DYNC2H1: variants seen among roughly 807,000 people sequenced by gnomAD.
DYNC2H1 encodes the protein dynein cytoplasmic 2 heavy chain 1.
In DYNC2H1, 410 loss-of-function variants were observed where a neutral mutation model predicts 570.0. The ratio of observed to expected loss-of-function variants is 0.72; its 90% CI spans 0.66 to 0.78. The LOEUF is 0.78. Among genes scored for constraint, DYNC2H1 ranks in the 30% least tolerant of loss-of-function variants. The probability of loss-of-function intolerance (pLI) is 0.00; values close to 1 mark genes in which losing one functional copy is unlikely to be tolerated. For missense variants in DYNC2H1, 4,865 were observed against 5,046.4 expected (o/e 0.96, Z 1.09); for synonymous variants, 1,688 against 1,677.6 (o/e 1.01, Z -0.15).
At chr11:103,470,495 A>G (rs1945340064) in intron 88 of DYNC2H1, among the ~76,000 whole-genome samples, 1 of 152,198 alleles carries the variant, frequency 6.6e-6, no homozygotes, top group Non-Finnish European at 1.5e-5. Flanking sequence ...GTATGTATAC[A>G]TGTGCCATGT....
intron 70 of DYNC2H1, among the ~76,000 whole-genome samples, chr11:103,269,538 T>C (rs972892726): frequency 1.3e-5 from 2 of 152,192 alleles, no homozygotes; most frequent in African/African-American, 2.4e-5. Flanking sequence ...TCACATCACA[T>C]TGAACTGAAA....
chr11:103,154,651 AT>A, intron 23 of DYNC2H1, 43 bp from the exon 24 acceptor site: 1 of 1,570,752 alleles, frequency 6.4e-7, no homozygotes. Flanking sequence ...TGGTTGTTTT[AT>A]TTTTGGATGT....
chr11:103,282,912 AT>A (rs1018180219), intron 72 of DYNC2H1, 95 bp from the exon 73 acceptor site: 3 of 901,404 alleles, frequency 3.3e-6, no homozygotes, highest in African/African-American at 1.7e-5. Context: ...CATAGAATGA[AT>A]TTTTTTCAAA....
In DYNC2H1 at chr11:103,151,326, C is replaced by T. The variant is rs1860526855; in HGVS notation, c.2947-810C>T. ...CTATGTTGCTTAGGTTAATCTTAAT[C>T]CCCTCGCCTCGGCCTCCCAAAGTGC... On this transcript the variant is annotated intron_variant, in intron 20 of 88. Coordinates refer to ENST00000375735, the MANE Select transcript of DYNC2H1 (RefSeq NM_001377.3). The surrounding 1 kb of genome is among the most constrained non-coding windows in gnomAD (Gnocchi z 4.6). 6.6e-6 allele frequency among the ~76,000 whole-genome samples: 1 copy of T among 152,076 alleles called. No individual in the cohort carries two copies. The highest frequency in any genetic ancestry group is 1.5e-5 in the Non-Finnish European group (1 of 68,014).
intron 57 of DYNC2H1, among the ~76,000 whole-genome samples, chr11:103,221,103 T>C (rs952066691): frequency 1.3e-5 from 2 of 151,996 alleles, no homozygotes; most frequent in African/African-American, 4.8e-5. Context: ...TGATTTACTG[T>C]TGAAGAAAAT....
chr11:103,118,592 T>G (rs1858541448), intron 6 of DYNC2H1, among the ~76,000 whole-genome samples: 1 of 152,068 alleles, frequency 6.6e-6, no homozygotes, highest in Non-Finnish European at 1.5e-5. Flanking sequence ...CACAATGCCA[T>G]TATCACAGCC....
At chr11:103,148,684 AT>A in intron 20 of DYNC2H1, 67 bp downstream of exon 20, 1 of 1,477,964 alleles carries the variant, frequency 6.8e-7, no homozygotes. Flanking sequence ...AAATTAGGTA[AT>A]TTTATGTCAT....
At chr11:103,237,557 A>AT (rs397810120) in intron 63 of DYNC2H1, among the ~76,000 whole-genome samples, 1 of 151,760 alleles carries the variant, frequency 6.6e-6, no homozygotes, top group South Asian at 2.1e-4. Context: ...TACTTTTAAA[A>AT]TTTTTTTTAT....
chr11:103,437,448 T>C (rs904954451), intron 85 of DYNC2H1, among the ~76,000 whole-genome samples: 2 of 152,088 alleles, frequency 1.3e-5, no homozygotes, highest in African/African-American at 2.4e-5. Context: ...GCACCAGGAC[T>C]GATCTGAGCA....
intron 82 of DYNC2H1, among the ~76,000 whole-genome samples, chr11:103,350,917 T>G (rs1486021661): frequency 6.6e-6 from 1 of 152,114 alleles, no homozygotes; most frequent in East Asian, 1.9e-4. Flanking sequence ...AGTTAGGGCC[T>G]CAACAGATGG....
intron 68 of DYNC2H1, 89 bp from the exon 69 acceptor site, chr11:103,257,519 A>G (rs1865104355): frequency 2.4e-6 from 3 of 1,242,396 alleles, no homozygotes; most frequent in Non-Finnish European, 3.2e-6. Context: ...TTACTTGGGT[A>G]GATATGTGCA....
chr11:103,336,028 T>A (rs1939104098), intron 82 of DYNC2H1, among the ~76,000 whole-genome samples: 2 of 152,162 alleles, frequency 1.3e-5, no homozygotes, highest in Non-Finnish European at 2.9e-5. Flanking sequence ...ATAACTTGTG[T>A]TATGAGATTC....
At chr11:103,353,317 TTGTC>T (rs1162478788) in intron 82 of DYNC2H1, among the ~76,000 whole-genome samples, 1 of 152,170 alleles carries the variant, frequency 6.6e-6, no homozygotes, top group African/African-American at 2.4e-5. Flanking sequence ...CAAAAAATGA[TTGTC>T]TGTTCTCCAG....
In DYNC2H1 at chr11:103,459,169, C is replaced by T. The variant is rs376500474; in HGVS notation, c.12648+2813C>T. 1.8e-4 allele frequency among the ~76,000 whole-genome samples: 27 copies of T among 149,850 alleles called. No homozygotes were observed. In the East Asian group the frequency reaches 4.0e-3, roughly 22 times the overall value. Reference sequence around the variant, plus strand: ...CTAAAAATACAAAAAATTAGCCGGGCGTAGTGGCGGGCGCCTGTAGTCCCA... The same window carrying T: ...CTAAAAATACAAAAAATTAGCCGGGTGTAGTGGCGGGCGCCTGTAGTCCCA... On this transcript the variant is annotated intron_variant, in intron 87 of 88. Coordinates refer to ENST00000375735, the MANE Select transcript of DYNC2H1 (RefSeq NM_001377.3).
chr11:103,286,290 T>G lies in DYNC2H1; in HGVS notation c.10926T>G (p.Phe3642Leu), dbSNP rs142057139. Residue 3642 changes from phenylalanine to leucine, a missense_variant, in exon 74 of 89, where the codon TTT (phenylalanine) becomes TTG (leucine). By Grantham distance (22) the Phe-to-Leu change is conservative. Around this residue, in one of 5 missense-constraint regions of DYNC2H1, gnomAD observed 2,401 missense variants for 2,454.6 expected, o/e 0.98. Coordinates refer to ENST00000375735, the MANE Select transcript of DYNC2H1 (RefSeq NM_001377.3). ...ALPSLYQTLCFEDAALWRTYY... is the reference protein window; with the variant it reads ...ALPSLYQTLCLEDAALWRTYY... ...CCAGTCTTTATCAGACCCTCTGCTT[T>G]GAAGATGCAGCTCTGTGGCGTACTT... The G allele has an allele frequency of 1.2e-4, 201 of 1,613,844 alleles. No individual in the cohort carries two copies. Among genetic ancestry groups the G allele is most frequent in the Non-Finnish European group, 1.7e-4 (197 of 1,179,788 alleles).
rs568137063 is a variant in DYNC2H1 at position 103,287,313 on chromosome 11, A to G, written c.11023-220A>G. Among the ~76,000 whole-genome samples the G allele has an allele frequency of 4.6e-5, 7 of 152,242 alleles. No individual in the cohort carries two copies. In the South Asian group the frequency reaches 1.2e-3, roughly 27 times the overall value. ...ATGTTTCTAACCCTGTTTACTTTTG[A>G]TGATAGGCTTGAGGAAGTAAATGGA... On this transcript the variant is annotated intron_variant, in intron 74 of 88. Coordinates refer to ENST00000375735, the MANE Select transcript of DYNC2H1 (RefSeq NM_001377.3).
At chr11:103,406,011 T>C (rs1942851382) in intron 84 of DYNC2H1, among the ~76,000 whole-genome samples, 1 of 151,968 alleles carries the variant, frequency 6.6e-6, no homozygotes, top group Non-Finnish European at 1.5e-5. Context: ...TTGAAGCCAG[T>C]TGATTAGGAT....
At chr11:103,188,690 A>T (rs775545216) in intron 44 of DYNC2H1, 42 bp downstream of exon 44, 13 of 1,366,786 alleles carry the variant, frequency 9.5e-6, no homozygotes, top group Non-Finnish European at 1.3e-5. Flanking sequence ...TTGGGAAGAT[A>T]TCATATATAA....
Position 103,201,741 on chromosome 11 carries a change from G to A in DYNC2H1, c.8197+1587G>A, listed in dbSNP as rs1862727496. Reference sequence around the variant, plus strand: ...GTGTCTTCCTGGGGAGGACACTTGCGAATTCCTATATTTCTTCCTTTTTTT... The same window carrying A: ...GTGTCTTCCTGGGGAGGACACTTGCAAATTCCTATATTTCTTCCTTTTTTT... On this transcript the variant is annotated intron_variant, in intron 50 of 88. Transcript: ENST00000375735. The surrounding 1 kb of genome is among the most constrained non-coding windows in gnomAD (Gnocchi z 4.8). Among the ~76,000 whole-genome samples the A allele has an allele frequency of 6.6e-6, 1 of 152,064 alleles. No homozygotes were observed. The highest frequency in any genetic ancestry group is 2.1e-4 in the South Asian group (1 of 4,818).
Sources: allele counts gnomAD v4.1 joint callset (sites outside exome capture counted in the v4.1 genomes callset), GRCh38; gene constraint gnomAD v4.1.1; regional missense constraint gnomAD v4.1.1; non-coding constraint Gnocchi (gnomAD v3.1); transcripts MANE v1.5; gene names NCBI Gene and HGNC (gene_info 2026-07-23, HGNC 2026-07-21).